The following CERS6 variants were observed in gnomAD, a reference collection of about 807,000 sequenced individuals.
CERS6 encodes ceramide synthase 6.
A neutral mutation model predicts 56.8 loss-of-function variants in CERS6; 26 were observed. The observed-to-expected ratio is 0.46, with a 90% CI of 0.34 to 0.63. The LOEUF (loss-of-function observed/expected upper bound fraction) is 0.63. Ranked by LOEUF, CERS6 falls within the 30% of genes least tolerant of loss-of-function variation. The pLI, the probability that CERS6 is intolerant of heterozygous loss-of-function variation, is 0.01. For synonymous variants in CERS6, 164 were observed against 173.3 expected (o/e 0.95, Z 0.42); for missense variants, 415 against 467.5 (o/e 0.89, Z 1.04).
At chr2:168,728,559 G>C (rs112752857) in intron 8 of CERS6, among the ~76,000 whole-genome samples, 1 of 151,346 alleles carries the variant, frequency 6.6e-6, no homozygotes, top group Non-Finnish European at 1.5e-5. Flanking sequence ...GCTAATTTTT[G>C]TATTTTTAGT....
intron 9 of CERS6, 50 bp downstream of exon 9, chr2:168,765,798 G>T: frequency 6.5e-7 from 1 of 1,539,044 alleles, no homozygotes; most frequent in Non-Finnish European, 8.9e-7. Context: ...TTTTGTTTTT[G>T]TAATTTCTCT....
chr2:168,593,117 A>G lies in CERS6; in HGVS notation c.407+31795A>G, dbSNP rs1574086609. ...ATCTTTTTCTCTCTATGACACTCCT[A>G]TTTCCTCTAATTCTGTTGCCTCCTT... is the stretch of plus-strand genomic sequence containing the variant. On this transcript the variant is annotated intron_variant, in intron 3 of 9. Coordinates refer to ENST00000305747, the MANE Select transcript of CERS6 (RefSeq NM_203463.3). 1.3e-5 allele frequency among the ~76,000 whole-genome samples: 2 copies of G among 152,072 alleles called. 1 individual carries two copies. Among genetic ancestry groups the G allele is most frequent in the South Asian group, 4.1e-4 (2 of 4,826 alleles).
At chr2:168,529,571 A>G (rs907279377) in intron 1 of CERS6, among the ~76,000 whole-genome samples, 12 of 152,188 alleles carry the variant, frequency 7.9e-5, no homozygotes, top group Non-Finnish European at 1.8e-4. Flanking sequence ...GCCAAAAGGA[A>G]TGTTCACAGA....
intron 3 of CERS6, among the ~76,000 whole-genome samples, chr2:168,586,751 G>C (rs1405399191): frequency 6.6e-6 from 1 of 152,042 alleles, no homozygotes; most frequent in African/African-American, 2.4e-5. Context: ...AATTTTTTAA[G>C]CAAATTTCCT....
chr2:168,612,785 C>T (rs1684220974), intron 3 of CERS6, among the ~76,000 whole-genome samples: 1 of 152,230 alleles, frequency 6.6e-6, no homozygotes, highest in East Asian at 1.9e-4. Context: ...TTCTTAAGAT[C>T]TCAAACTCCT....
chr2:168,557,692 C>G (rs1287516649), intron 2 of CERS6, among the ~76,000 whole-genome samples: 2 of 151,992 alleles, frequency 1.3e-5, no homozygotes, highest in African/African-American at 4.8e-5. Context: ...AAAAGGAAAC[C>G]TGGGAGAATC....
At chr2:168,661,597 A>T (rs1268459273) in intron 4 of CERS6, among the ~76,000 whole-genome samples, 2 of 152,224 alleles carry the variant, frequency 1.3e-5, no homozygotes, top group Non-Finnish European at 2.9e-5. Context: ...TCCAAGAGCA[A>T]GTTTAATGCC....
At chr2:168,734,001 A>G (rs1372495599) in intron 8 of CERS6, among the ~76,000 whole-genome samples, 1 of 152,186 alleles carries the variant, frequency 6.6e-6, no homozygotes, top group Non-Finnish European at 1.5e-5. Context: ...GAAATTGTAC[A>G]TGTTCTCTTC....
chr2:168,503,679 T>G (rs1463009055), intron 1 of CERS6, among the ~76,000 whole-genome samples: 1 of 152,132 alleles, frequency 6.6e-6, no homozygotes, highest in Non-Finnish European at 1.5e-5. Flanking sequence ...AGGGCTCTCA[T>G]GGTGTTTCCT....
At chr2:168,582,940 G>A (rs1293894237) in intron 3 of CERS6, 1 of 154,374 alleles carries the variant, frequency 6.5e-6, no homozygotes, top group Admixed American at 6.5e-5. Flanking sequence ...CTATAGATTA[G>A]CCTATATTGT....
At position 168,659,618 on chromosome 2, in the gene CERS6, A is replaced by G. The variant is rs866275574; in HGVS notation, c.465+28576A>G. Among the ~76,000 whole-genome samples, 31 of 152,254 alleles carry G rather than the reference A, an allele frequency of 2.0e-4. No individual in the cohort carries two copies. In the Middle Eastern group the frequency reaches 0.017, roughly 84 times the overall value. ...AATGTATCCAGTGTTAACACTCCAC[A>G]TATATGTTTCCATGGTACCTTATCT... On this transcript the variant is annotated intron_variant, in intron 4 of 9. Coordinates refer to ENST00000305747, the MANE Select transcript of CERS6 (RefSeq NM_203463.3).
At chr2:168,511,240 G>C (rs1694782364) in intron 1 of CERS6, among the ~76,000 whole-genome samples, 1 of 152,094 alleles carries the variant, frequency 6.6e-6, no homozygotes, top group African/African-American at 2.4e-5. Context: ...CATTTTGTTA[G>C]AGCACATCTG....
At chr2:168,492,270 C>T (rs930858139) in intron 1 of CERS6, among the ~76,000 whole-genome samples, 5 of 152,224 alleles carry the variant, frequency 3.3e-5, no homozygotes, top group African/African-American at 1.2e-4. Context: ...TCCACATCCT[C>T]TCCAGCATCT....
At chr2:168,675,263 C>T (rs1048019281) in intron 4 of CERS6, among the ~76,000 whole-genome samples, 12 of 151,882 alleles carry the variant, frequency 7.9e-5, no homozygotes, top group Admixed American at 3.9e-4. Context: ...TGAGCCACCG[C>T]GCCCAGTTTA....
intron 3 of CERS6, among the ~76,000 whole-genome samples, chr2:168,609,328 C>A (rs1684129604): frequency 6.6e-6 from 1 of 152,192 alleles, no homozygotes; most frequent in African/African-American, 2.4e-5. Flanking sequence ...TTAAAAAAAT[C>A]TTATGATGAA....
chr2:168,714,361 G>A (rs1687174213), intron 6 of CERS6, among the ~76,000 whole-genome samples: 1 of 152,188 alleles, frequency 6.6e-6, no homozygotes, highest in South Asian at 2.1e-4. Context: ...GCCCAGGCTG[G>A]GAGCCATACG....
chr2:168,623,828 G>A (rs1684529149), intron 3 of CERS6, among the ~76,000 whole-genome samples: 1 of 152,132 alleles, frequency 6.6e-6, no homozygotes, highest in Admixed American at 6.6e-5. Context: ...TTGACTTTAA[G>A]GTCACAGGAC....
At chr2:168,556,601 A>T (rs10208663) in intron 2 of CERS6, among the ~76,000 whole-genome samples, 2,644 of 152,236 alleles carry the variant, frequency 0.017, 45 homozygotes, top group African/African-American at 0.047. Flanking sequence ...TGACAAAACT[A>T]TTGCTATTGT....
At chr2:168,501,798 C>T (rs575130398) in intron 1 of CERS6, among the ~76,000 whole-genome samples, 1 of 152,268 alleles carries the variant, frequency 6.6e-6, no homozygotes, top group Non-Finnish European at 1.5e-5. Context: ...CTTTCCAGTA[C>T]CTGGCTGGTG....
Sources: allele counts gnomAD v4.1 joint callset (sites outside exome capture counted in the v4.1 genomes callset), GRCh38; gene constraint gnomAD v4.1.1; transcripts MANE v1.5; gene names NCBI Gene and HGNC (gene_info 2026-07-23, HGNC 2026-07-21).